Variants in NPHP3 observed in about 807,000 individuals in gnomAD.
NPHP3 encodes the protein nephrocystin 3.
A neutral mutation model predicts 171.9 loss-of-function variants in NPHP3; 123 were observed. The observed-to-expected ratio is 0.72, with a 90% CI of 0.62 to 0.83. The LOEUF (loss-of-function observed/expected upper bound fraction) is 0.83, where lower values mean the gene tolerates loss of function less well. Among genes scored for constraint, NPHP3 ranks in the 40% least tolerant of loss-of-function variants. The pLI is 0.00. For synonymous variants in NPHP3, 558 were observed against 579.2 expected (o/e 0.96, Z 0.52); for missense variants, 1,506 against 1,591.9 (o/e 0.95, Z 0.92).
rs937330869 is a variant in NPHP3, at chr3:132,699,967, C to T, written c.1838G>A (p.Arg613His). The stretch of plus-strand genomic sequence containing the variant: ...AACGATGATGATGCTGCCTTGATGA[C>T]GAGCAGAGAGTTTTTCCAGCCAACG... ...FPRWLEKLSA[R>H]HQGSIIIVID... Residue 613 changes from arginine (R) to histidine (H), a missense_variant, in exon 12 of 27, where the codon CGT becomes CAT. Arg to His is a conservative substitution (Grantham distance 29, BLOSUM62 0). This residue lies in a region of NPHP3 where 930 missense variants were observed against 924.9 expected (regional missense o/e 1.01). Coordinates refer to ENST00000337331, the MANE Select transcript of NPHP3 (RefSeq NM_153240.5). 9.9e-6 allele frequency: 16 copies of T among 1,613,962 alleles called. No individual in the cohort carries two copies. In the Admixed American group the frequency reaches 1.0e-4, roughly 10 times the overall value.
In NPHP3 at chr3:132,688,764, G is replaced by T; in HGVS notation, c.3011C>A (p.Ala1004Glu). The change falls in exon 21 of 27, where the codon GCA becomes GAA. Residue 1004 changes from alanine (A) to glutamate (E), a missense_variant. This residue lies in a region of NPHP3 where 569 missense variants were observed against 648.1 expected (regional missense o/e 0.88). Coordinates refer to ENST00000337331, the MANE Select transcript of NPHP3 (RefSeq NM_153240.5). Reference protein sequence around the residue: ...VYVQWKKFGNAEQLYKQALEI... With the variant: ...VYVQWKKFGNEEQLYKQALEI... The stretch of plus-strand genomic sequence containing the variant: ...CAACGCCTGTTTATACAGTTGTTCT[G>T]CATTGCCAAACTTCTTCCACTGCAC... 6.2e-7 allele frequency: 1 copy of T among 1,614,082 alleles called. No individual in the cohort carries two copies. Among genetic ancestry groups the T allele is most frequent in the Non-Finnish European group, 8.5e-7 (1 of 1,180,008 alleles).
intron 1 of NPHP3, among the ~76,000 whole-genome samples, chr3:132,720,199 T>A (rs115885707): frequency 4.6e-5 from 7 of 152,392 alleles, no homozygotes; most frequent in Non-Finnish European, 1.0e-4. Flanking sequence ...TGTGTGCCTG[T>A]TGGCACTATG....
rs147932449 is a variant in NPHP3, at chr3:132,715,178, A to T, written c.864T>A (p.Thr288=). ...DIAVASLLQV[T]PLFSHSLWSN... is the part of the protein sequence containing the mutation. ...TCCACAGAGAATGTGAAAACAGAGG[A>T]GTAACTTGTAATAAACTAGCTACAG... The change falls in exon 5 of 27, where the codon ACT becomes ACA. Residue 288 remains threonine (T), a synonymous_variant. Transcript: ENST00000337331. The T allele has an allele frequency of 3.2e-3, 5,188 of 1,611,492 alleles. 142 individuals carry two copies. The African/African-American group carries it at 0.06, about 19-fold the overall frequency.
In NPHP3 at chr3:132,721,957, C is replaced by T. The variant is rs1395022689; in HGVS notation, c.393+6G>A. The T allele has an allele frequency of 1.2e-6, 2 of 1,612,164 alleles. No individual in the cohort carries two copies. The highest frequency in any genetic ancestry group is 1.1e-5 in the South Asian group (1 of 91,028). The stretch of plus-strand genomic sequence containing the variant: ...CTCCCGGCGTCGCGGCCCAGCCCGG[C>T]GTTACCTGCAGTTCGGCCCGCAGCC... On this transcript the variant is annotated splice_donor_region_variant and intron_variant, in intron 1 of 26. Coordinates refer to ENST00000337331, the MANE Select transcript of NPHP3 (RefSeq NM_153240.5).
Position 132,719,754 on chromosome 3 carries a change from CT to C in NPHP3, c.469del (p.Arg157GlufsTer31), listed in dbSNP as rs773760404. ...TCTGTCATGTTCAAATGTTGCTGCT[CT>C]CTCCATTGCTTGGTATTTCGCTTCT... ...ALEAKYQAMERAATFEHDRDK... is the reference protein window; with the variant it reads ...ALEAKYQAMEXAATFEHDRDK... On this transcript the variant is annotated frameshift_variant, in exon 2 of 27. Transcript: ENST00000337331. LOFTEE classifies it high-confidence loss of function. 5 of 1,593,270 alleles carry C rather than the reference CT, an allele frequency of 3.1e-6. No homozygotes were observed. The highest frequency in any genetic ancestry group is 4.3e-6 in the Non-Finnish European group (5 of 1,167,644).
In NPHP3 at chr3:132,710,374, C is replaced by G. The variant is rs534633087; in HGVS notation, c.1119-2117G>C. 6.6e-5 allele frequency among the ~76,000 whole-genome samples: 10 copies of G among 150,840 alleles called. No individual in the cohort carries two copies. In the South Asian group the frequency reaches 1.9e-3, roughly 28 times the overall value. Reference sequence around the variant, plus strand: ...AAAAAAAAAAAAAGCTGAATGAAACCAATAATAGGGCCTAAGAAGTCCTGA... The same window carrying G: ...AAAAAAAAAAAAAGCTGAATGAAACGAATAATAGGGCCTAAGAAGTCCTGA... On this transcript the variant is annotated intron_variant, in intron 6 of 26. Transcript: ENST00000337331.
At chr3:132,695,016 G>GA in intron 15 of NPHP3, 51 bp from the exon 16 acceptor site, 1 of 1,590,824 alleles carries the variant, frequency 6.3e-7, no homozygotes, top group Non-Finnish European at 8.6e-7. Flanking sequence ...CAACATCTGT[G>GA]AAAATTTTGA....
chr3:132,701,362 T>C, intron 10 of NPHP3, 68 bp downstream of exon 10: 3 of 1,103,124 alleles, frequency 2.7e-6, no homozygotes, highest in Admixed American at 1.7e-5. Context: ...AGGCATGCAA[T>C]ACATTTTGTT....
At chr3:132,685,665 T>C (rs1172283318) in intron 23 of NPHP3, 1 of 152,500 alleles carries the variant, frequency 6.6e-6, no homozygotes, top group East Asian at 1.9e-4. Context: ...AAGCTGCTGC[T>C]TCTGTGAGAT....
At position 132,683,385 on chromosome 3, in the gene NPHP3, A is replaced by G; in HGVS notation, c.3696+14T>C. 6.2e-7 allele frequency: 1 copy of G among 1,611,302 alleles called. No homozygotes were observed. The highest frequency in any genetic ancestry group is 2.2e-5 in the East Asian group (1 of 44,736). On this transcript the variant is annotated intron_variant, in intron 25 of 26. Coordinates refer to ENST00000337331, the MANE Select transcript of NPHP3 (RefSeq NM_153240.5). ...AATCATTCACTGATACAACGTTAAA[A>G]TATGGGAACTTACCATTTGGCTATA...
rs1939689295 is a variant in NPHP3, at chr3:132,704,256, T to C, written c.1466A>G (p.Glu489Gly). ...DVLWDIHDEQ[E>G]QMETFQQASN... ...AGCCTGCTGAAAAGTTTCCATTTGC[T>C]CTTGTTCATCATGTATGTCCCACAG... Residue 489 changes from glutamate to glycine, a missense_variant, in exon 9 of 27, where the codon GAG (glutamate) becomes GGG (glycine). By Grantham distance (98) the Glu-to-Gly change is moderately conservative. Transcript: ENST00000337331. 5 of 1,614,202 alleles carry C rather than the reference T, an allele frequency of 3.1e-6. No homozygotes were observed. The highest frequency in any genetic ancestry group is 4.2e-6 in the Non-Finnish European group (5 of 1,180,036).
chr3:132,683,340 A>C (rs1009871236), intron 25 of NPHP3, 59 bp downstream of exon 25: 57 of 1,437,988 alleles, frequency 4.0e-5, no homozygotes, highest in East Asian at 3.7e-4. Context: ...ATTCATGTTT[A>C]CCTATGTTTT....
chr3:132,710,700 T>C (rs146424767), intron 6 of NPHP3, among the ~76,000 whole-genome samples: 2 of 152,326 alleles, frequency 1.3e-5, no homozygotes, highest in East Asian at 3.9e-4. Flanking sequence ...CCATTCTTCG[T>C]TGTAGGAGAT....
At chr3:132,682,154 C>T (rs2107960691) in intron 26 of NPHP3, 64 bp from the exon 27 acceptor site, 2 of 1,416,796 alleles carry the variant, frequency 1.4e-6, no homozygotes, top group Non-Finnish European at 2.0e-6. Flanking sequence ...TCAAAATGAC[C>T]TTATGGGATA....
chr3:132,681,860 TTAATTA>T lies in NPHP3; in HGVS notation c.*44_*49del. Reference sequence around the variant, plus strand: ...TTTCAAATTCAAATGTTCCAAATGTTTAATTATTTTGTCTTAAGGTACATTTGCAAA... The same window carrying T: ...TTTCAAATTCAAATGTTCCAAATGTTTTTTGTCTTAAGGTACATTTGCAAA... On this transcript the variant is annotated 3_prime_UTR_variant, in exon 27 of 27. Transcript: ENST00000337331. The T allele has an allele frequency of 4.0e-6, 6 of 1,497,722 alleles. No homozygotes were observed. The highest frequency in any genetic ancestry group is 5.6e-6 in the Non-Finnish European group (6 of 1,074,520). 92.8% of individuals were successfully genotyped at this position (1,497,722 alleles called of 1,614,324 possible).
intron 3 of NPHP3, 192 bp from the exon 4 acceptor site, chr3:132,717,101 C>G: frequency 3.6e-6 from 2 of 556,806 alleles, no homozygotes; most frequent in Admixed American, 6.5e-5. Context: ...TTCTGGTTAT[C>G]ATCTCAAATT....
At chr3:132,697,790 G>A (rs1448962551) in intron 13 of NPHP3, among the ~76,000 whole-genome samples, 1 of 152,034 alleles carries the variant, frequency 6.6e-6, no homozygotes, top group Non-Finnish European at 1.5e-5. Flanking sequence ...ATTTGTGGGG[G>A]AGTGAAAAAA....
At position 132,692,696 on chromosome 3, in the gene NPHP3, C is replaced by G. The variant is rs1277600730; in HGVS notation, c.2433G>C (p.Leu811Phe). 3 of 1,614,022 alleles carry G rather than the reference C, an allele frequency of 1.9e-6. No individual in the cohort carries two copies. Among genetic ancestry groups the G allele is most frequent in the Non-Finnish European group, 2.5e-6 (3 of 1,179,946 alleles). ...SLIHSLYKMC[L>F]LTYGCGLLRF... ...TAAGCAAGCCACATCCATAAGTCAACAAACACATTTTGTATAAACTGTGAA... is the reference window on the plus strand; with the variant it reads ...TAAGCAAGCCACATCCATAAGTCAAGAAACACATTTTGTATAAACTGTGAA... The change falls in exon 17 of 27, where the codon TTG becomes TTC. Residue 811 changes from leucine (L) to phenylalanine (F), a missense_variant. By Grantham distance (22) the Leu-to-Phe change is conservative (BLOSUM62 0). Around this residue, in one of 3 missense-constraint regions of NPHP3, gnomAD observed 569 missense variants for 648.1 expected, o/e 0.88. Coordinates refer to ENST00000337331, the MANE Select transcript of NPHP3 (RefSeq NM_153240.5).
At chr3:132,689,370 G>A (rs1026386798) in intron 19 of NPHP3, 107 bp from the exon 20 acceptor site, 13 of 1,165,372 alleles carry the variant, frequency 1.1e-5, no homozygotes, top group South Asian at 3.8e-5. Context: ...ATTAGTAGGC[G>A]AGTACTGTGT....
Sources: gnomAD v4.1 joint callset for allele counts (sites outside exome capture counted in the v4.1 genomes callset) on GRCh38, gnomAD v4.1.1 for gene constraint, gnomAD v4.1.1 regional missense constraint, MANE v1.5 for transcripts, NCBI Gene and HGNC (gene_info 2026-07-23, HGNC 2026-07-21) for gene names.